Variants in RNF180 observed in about 807,000 individuals in gnomAD.
The protein encoded by RNF180 is ring finger protein 180.
RNF180 carries 38 observed loss-of-function variants against 59.2 expected under a neutral mutation model. The observed-to-expected ratio is 0.64, with a 90% CI of 0.50 to 0.84. RNF180 has a LOEUF of 0.84. Ranked by LOEUF, RNF180 falls within the 40% of genes least tolerant of loss-of-function variation. The pLI, the probability that RNF180 is intolerant of heterozygous loss-of-function variation, is 0.00. For missense variants in RNF180, 705 were observed against 700.9 expected (o/e 1.01, Z -0.07); for synonymous variants, 262 against 240.3 (o/e 1.09, Z -0.84).
chr5:64,240,604 G>A (rs1742753322), intron 5 of RNF180, among the ~76,000 whole-genome samples: 1 of 152,174 alleles, frequency 6.6e-6, no homozygotes, highest in African/African-American at 2.4e-5. Context: ...TAAAAGTGTG[G>A]TTTTACAATA....
intron 7 of RNF180, among the ~76,000 whole-genome samples, chr5:64,334,509 ACTC>A (rs1374018728): frequency 6.6e-6 from 1 of 151,790 alleles, no homozygotes; most frequent in African/African-American, 2.4e-5. Flanking sequence ...CAGGAACTGT[ACTC>A]CTCAATTACC....
chr5:64,285,906 T>C (rs1742260017), intron 5 of RNF180, among the ~76,000 whole-genome samples: 1 of 152,160 alleles, frequency 6.6e-6, no homozygotes, highest in East Asian at 1.9e-4. Context: ...GCCATCTCTC[T>C]AAGCAGCTCT....
chr5:64,217,445 A>G (rs1191870399), intron 5 of RNF180, 49 bp downstream of exon 5: 12 of 1,354,852 alleles, frequency 8.9e-6, no homozygotes, highest in African/African-American at 1.5e-5. Context: ...GTTTTCCAGA[A>G]TGGCTGTACC....
chr5:64,177,931 C>T (rs1407062061), intron 1 of RNF180, among the ~76,000 whole-genome samples: 2 of 151,928 alleles, frequency 1.3e-5, no homozygotes, highest in Admixed American at 6.6e-5. Context: ...TGGGGCTGGG[C>T]GTGGTGGCTC....
chr5:64,237,884 C>G (rs1742545747), intron 5 of RNF180, among the ~76,000 whole-genome samples: 1 of 152,096 alleles, frequency 6.6e-6, no homozygotes, highest in Non-Finnish European at 1.5e-5. Context: ...CTGCCATGTA[C>G]AATGTACCTT....
intron 5 of RNF180, among the ~76,000 whole-genome samples, chr5:64,260,703 C>G (rs1744285165): frequency 1.3e-5 from 2 of 152,066 alleles, no homozygotes; most frequent in Admixed American, 6.6e-5. Context: ...AGGGTTGAAC[C>G]ATGGTTCTAC....
At chr5:64,169,982 A>G (rs914388206) in intron 1 of RNF180, among the ~76,000 whole-genome samples, 1 of 152,246 alleles carries the variant, frequency 6.6e-6, no homozygotes, top group Admixed American at 6.5e-5. Flanking sequence ...TGACATAGGT[A>G]AGGAGTGAGC....
intron 7 of RNF180, among the ~76,000 whole-genome samples, chr5:64,362,899 CT>C (rs1255624262): frequency 2.6e-5 from 4 of 151,620 alleles, no homozygotes; most frequent in Admixed American, 2.6e-4. Context: ...TCAAGAATGT[CT>C]GTTCATGTCC....
chr5:64,321,807 CCAAA>C (rs1258416892), intron 5 of RNF180, among the ~76,000 whole-genome samples: 2 of 152,106 alleles, frequency 1.3e-5, no homozygotes, highest in Admixed American at 1.3e-4. Context: ...ATACTAGTAC[CCAAA>C]CAGACATATA....
intron 1 of RNF180, among the ~76,000 whole-genome samples, chr5:64,193,623 C>A (rs146921985): frequency 1.3e-5 from 2 of 152,156 alleles, no homozygotes; most frequent in African/African-American, 4.8e-5. Context: ...TTAACCAGTT[C>A]TTTGGTAGTG....
chr5:64,365,372 A>G (rs144852400), intron 7 of RNF180, among the ~76,000 whole-genome samples: 243 of 151,504 alleles, frequency 1.6e-3, no homozygotes, highest in African/African-American at 5.1e-3. Context: ...AGGGGTGTGG[A>G]TGTTTTGATT....
At chr5:64,220,124 C>T (rs917522574) in intron 5 of RNF180, among the ~76,000 whole-genome samples, 1 of 151,712 alleles carries the variant, frequency 6.6e-6, no homozygotes, top group East Asian at 1.9e-4. Flanking sequence ...TTTTTTTAGT[C>T]TTGCTGGAGG....
chr5:64,220,637 C>A (rs1741273672), intron 5 of RNF180, among the ~76,000 whole-genome samples: 1 of 151,936 alleles, frequency 6.6e-6, no homozygotes, highest in Admixed American at 6.6e-5. Flanking sequence ...CATAGTATTT[C>A]CTAATATTTC....
chr5:64,249,653 C>T (rs568531144), intron 5 of RNF180, among the ~76,000 whole-genome samples: 2 of 151,804 alleles, frequency 1.3e-5, no homozygotes, highest in Non-Finnish European at 2.9e-5. Context: ...AAAGGGAAAC[C>T]AAAAGTGAGC....
intron 5 of RNF180, among the ~76,000 whole-genome samples, chr5:64,284,589 C>G (rs1488352085): frequency 6.6e-6 from 1 of 152,190 alleles, no homozygotes; most frequent in Non-Finnish European, 1.5e-5. Context: ...GAGAACCAGT[C>G]TGAGATTCTT....
chr5:64,356,154 G>T (rs1055156403), intron 7 of RNF180, among the ~76,000 whole-genome samples: 1 of 151,726 alleles, frequency 6.6e-6, no homozygotes, highest in African/African-American at 2.4e-5. Flanking sequence ...TAACTACTTG[G>T]GAGGCTGACA....
chr5:64,245,332 TAA>T (rs1453344539), intron 5 of RNF180, among the ~76,000 whole-genome samples: 13 of 152,246 alleles, frequency 8.5e-5, no homozygotes, highest in African/African-American at 3.1e-4. Flanking sequence ...GCAAATTGGA[TAA>T]AGAGTCTAGA....
At chr5:64,355,267 A>G (rs879515338) in intron 7 of RNF180, among the ~76,000 whole-genome samples, 8 of 151,940 alleles carry the variant, frequency 5.3e-5, no homozygotes, top group African/African-American at 1.4e-4. Flanking sequence ...TTGTTTCTGT[A>G]CACTAGGAAT....
chr5:64,302,170 T>G (rs1446157889), intron 5 of RNF180, among the ~76,000 whole-genome samples: 1 of 151,442 alleles, frequency 6.6e-6, no homozygotes, highest in African/African-American at 2.4e-5. Context: ...GCCCCACATA[T>G]ACCCAATATA....
Sources: allele counts gnomAD v4.1 joint callset (sites outside exome capture counted in the v4.1 genomes callset), GRCh38; gene constraint gnomAD v4.1.1; transcripts MANE v1.5; gene names NCBI Gene and HGNC (gene_info 2026-07-23, HGNC 2026-07-21).